Variants in AIMP2 observed in about 807,000 individuals in gnomAD.
The protein encoded by AIMP2 is aminoacyl tRNA synthase complex-interacting multifunctional protein 2.
Under a neutral mutation model 23.4 loss-of-function variants are expected in AIMP2, and 20 were observed. The ratio of observed to expected loss-of-function variants is 0.85; its 90% CI spans 0.60 to 1.24. The LOEUF (loss-of-function observed/expected upper bound fraction) is 1.24. Among genes scored for constraint, AIMP2 ranks in the 50% most tolerant of loss-of-function variants. The pLI, the probability that AIMP2 is intolerant of heterozygous loss-of-function variation, is 0.00. For synonymous variants in AIMP2, 210 were observed against 170.4 expected (o/e 1.23, Z -1.81); for missense variants, 515 against 414.5 (o/e 1.24, Z -2.10).
intron 3 of AIMP2, 68 bp from the exon 4 acceptor site, chr7:6,023,235 C>G (rs759982220): frequency 6.0e-6 from 9 of 1,502,648 alleles, no homozygotes; most frequent in Non-Finnish European, 8.0e-6. Context: ...CTGTCCCCTT[C>G]CCCACTGTGC....
rs375897273 is a variant in AIMP2 at position 6,023,637 on chromosome 7, G to A, written c.909G>A (p.Met303Ile). Reference protein sequence around the residue: ...VTVPANVQRWMRSCENLAPFN... With the variant: ...VTVPANVQRWIRSCENLAPFN... ...TGCCAGCCAATGTGCAGAGGTGGATGAGGTCTTGTGAAAACCTGGCTCCTT... is the reference window on the plus strand; with the variant it reads ...TGCCAGCCAATGTGCAGAGGTGGATAAGGTCTTGTGAAAACCTGGCTCCTT... Residue 303 changes from methionine (M) to isoleucine (I), a missense_variant, in exon 4 of 4, where the codon ATG becomes ATA. Physicochemically the swap from Met to Ile is conservative, Grantham distance 10. Coordinates refer to ENST00000223029, the MANE Select transcript of AIMP2 (RefSeq NM_006303.4). 21 of 1,614,060 alleles carry A rather than the reference G, an allele frequency of 1.3e-5. No homozygotes were observed. The highest frequency in any genetic ancestry group is 1.6e-5 in the Non-Finnish European group (19 of 1,180,034).
In AIMP2 at chr7:6,009,285, C is replaced by A. The variant is rs959791854; in HGVS notation, c.-79C>A. 1 of 1,606,180 alleles carries A rather than the reference C, an allele frequency of 6.2e-7. No individual in the cohort carries two copies. Among genetic ancestry groups the A allele is most frequent in the African/African-American group, 1.3e-5 (1 of 74,922 alleles). On this transcript the variant is annotated 5_prime_UTR_variant, in exon 1 of 4. Transcript: ENST00000223029. ...CGCAGCAGGGTCAGAAGGGAGGTGG[C>A]CGGTCTCCGTCGTGACCTCTGACGG...
intron 3 of AIMP2, chr7:6,023,039 G>GA: frequency 2.3e-5 from 9 of 395,812 alleles, no homozygotes; most frequent in South Asian, 1.3e-4. Context: ...GGAGCAGGTG[G>GA]TCTGAGGTCC....
Position 6,016,660 on chromosome 7 carries a change from T to G in AIMP2, c.343-1154T>G, listed in dbSNP as rs1189278915. ...ATCTCAGAGCATGTGGTGCTCAAGA[T>G]GAATTTTGATACCTCAGAAGACCCA... is the stretch of plus-strand genomic sequence containing the variant. On this transcript the variant is annotated intron_variant, in intron 2 of 3. Transcript: ENST00000223029. Among the ~76,000 whole-genome samples, 3 of 152,086 alleles carry G rather than the reference T, an allele frequency of 2.0e-5. No individual in the cohort carries two copies. The East Asian group carries it at 5.8e-4, about 29-fold the overall frequency.
At chr7:6,015,480 T>G in intron 2 of AIMP2, 128 bp downstream of exon 2, 1 of 999,964 alleles carries the variant, frequency 1.0e-6, no homozygotes, top group Non-Finnish European at 1.5e-6. Context: ...ATTCCAGCAC[T>G]TTGGGAAGCC....
intron 1 of AIMP2, chr7:6,012,582 G>A (rs2128876676): frequency 1.0e-5 from 2 of 199,504 alleles, no homozygotes; most frequent in South Asian, 1.2e-4. Flanking sequence ...TTTTGAGACA[G>A]AGTCTCACTC....
chr7:6,009,510 G>C lies in AIMP2; in HGVS notation c.135+12G>C. On this transcript the variant is annotated intron_variant, in intron 1 of 3. Coordinates refer to ENST00000223029, the MANE Select transcript of AIMP2 (RefSeq NM_006303.4). ...CTGGCCACGTGCAGGTAGGAGCGCG[G>C]GGCCCCCCGCCCAGTGCGCACGCGC... The C allele has an allele frequency of 6.7e-7, 1 of 1,502,696 alleles. No individual in the cohort carries two copies. Among genetic ancestry groups the C allele is most frequent in the Non-Finnish European group, 8.8e-7 (1 of 1,134,044 alleles). 93.1% of individuals were successfully genotyped at this position (1,502,696 alleles called of 1,614,324 possible). A position where few individuals can be genotyped will look rare whatever the true frequency, so the allele number is the denominator to read the frequency against.
chr7:6,018,766 G>A (rs141613771), intron 3 of AIMP2, among the ~76,000 whole-genome samples: 3,805 of 151,888 alleles, frequency 0.025, 141 homozygotes, highest in African/African-American at 0.085. Context: ...CCCAGGAGGT[G>A]GAGGTTGCAG....
At chr7:6,015,459 T>C in intron 2 of AIMP2, 107 bp downstream of exon 2, 1 of 1,179,230 alleles carries the variant, frequency 8.5e-7, no homozygotes, top group Non-Finnish European at 1.2e-6. Flanking sequence ...GCGTGGTGGC[T>C]CACGCCTGTA....
At chr7:6,014,144 A>C (rs1258848429) in intron 1 of AIMP2, among the ~76,000 whole-genome samples, 1 of 152,144 alleles carries the variant, frequency 6.6e-6, no homozygotes, top group Non-Finnish European at 1.5e-5. Flanking sequence ...AAGAACTACA[A>C]ATTGTGTTCA....
At position 6,015,046 on chromosome 7, in the gene AIMP2, A is replaced by G. The variant is rs535133495; in HGVS notation, c.136-100A>G. On this transcript the variant is annotated intron_variant, in intron 1 of 3. Coordinates refer to ENST00000223029, the MANE Select transcript of AIMP2 (RefSeq NM_006303.4). ...ATAATGTCTTCTTTTAAAGGGTGGGAGGTTTGGTGAGTGCATGGCAAAGTA... is the reference window on the plus strand; with the variant it reads ...ATAATGTCTTCTTTTAAAGGGTGGGGGGTTTGGTGAGTGCATGGCAAAGTA... 4,512 of 1,568,492 alleles carry G rather than the reference A, an allele frequency of 2.9e-3. 18 individuals carry two copies. Among genetic ancestry groups the G allele is most frequent in the Non-Finnish European group, 3.4e-3 (3,932 of 1,154,062 alleles).
chr7:6,023,192 T>C (rs1787559159), intron 3 of AIMP2, 111 bp from the exon 4 acceptor site: 4 of 1,290,584 alleles, frequency 3.1e-6, no homozygotes, highest in Non-Finnish European at 4.2e-6. Context: ...GAAAACACCC[T>C]TTCCCATGTC....
chr7:6,015,881 G>C (rs1002566524), intron 2 of AIMP2, among the ~76,000 whole-genome samples: 3 of 152,226 alleles, frequency 2.0e-5, no homozygotes, highest in African/African-American at 7.2e-5. Context: ...TGACTTCTCA[G>C]AGCACGTAGA....
At chr7:6,012,648 C>G (rs770061766) in intron 1 of AIMP2, 1 of 349,314 alleles carries the variant, frequency 2.9e-6, no homozygotes, top group South Asian at 2.0e-5. Context: ...GCCACTGTCT[C>G]CCGGGTTCAA....
At position 6,023,747 on chromosome 7, in the gene AIMP2, C is replaced by G. The variant is rs779534750; in HGVS notation, c.*56C>G. The stretch of plus-strand genomic sequence containing the variant: ...TTTTAAGAATGGTGCTCTTTCATGC[C>G]TATTATCAGTAAGGGGACTTGTATT... On this transcript the variant is annotated 3_prime_UTR_variant, in exon 4 of 4. Transcript: ENST00000223029. The G allele has an allele frequency of 8.7e-6, 14 of 1,612,658 alleles. No individual in the cohort carries two copies. The highest frequency in any genetic ancestry group is 1.2e-5 in the Non-Finnish European group (14 of 1,179,316).
chr7:6,023,246 G>A (rs768380449), intron 3 of AIMP2, 57 bp from the exon 4 acceptor site: 67 of 1,522,226 alleles, frequency 4.4e-5, no homozygotes, highest in Non-Finnish European at 5.6e-5. Flanking sequence ...CCCACTGTGC[G>A]AGTACTTCCC....
chr7:6,012,600 C>G (rs1410763251), intron 1 of AIMP2: 1 of 228,606 alleles, frequency 4.4e-6, no homozygotes, highest in Non-Finnish European at 9.6e-6. Context: ...CTCTGTCACC[C>G]AGTCTGGAGT....
Position 6,009,321 on chromosome 7 carries a change from T to C in AIMP2, c.-43T>C, listed in dbSNP as rs1202787707. ...CGTGACCTCTGACGGTTTCTGAGCG[T>C]TGGCCTTTGGCACGCGCTACCCCCT... On this transcript the variant is annotated 5_prime_UTR_variant, in exon 1 of 4. Transcript: ENST00000223029. 1 of 1,611,482 alleles carries C rather than the reference T, an allele frequency of 6.2e-7. No homozygotes were observed. The highest frequency in any genetic ancestry group is 8.5e-7 in the Non-Finnish European group (1 of 1,179,958).
rs773910625 is a variant in AIMP2 at position 6,009,502 on chromosome 7, G to A, written c.135+4G>A. 6.6e-7 allele frequency: 1 copy of A among 1,520,050 alleles called. No individual in the cohort carries two copies. 94.2% of individuals were successfully genotyped at this position (1,520,050 alleles called of 1,614,324 possible). ...GCCGGGCGCTGGCCACGTGCAGGTA[G>A]GAGCGCGGGGCCCCCCGCCCAGTGC... On this transcript the variant is annotated splice_donor_region_variant and intron_variant, in intron 1 of 3. Coordinates refer to ENST00000223029, the MANE Select transcript of AIMP2 (RefSeq NM_006303.4).
Sources: gnomAD v4.1 joint callset for allele counts (sites outside exome capture counted in the v4.1 genomes callset) on GRCh38, gnomAD v4.1.1 for gene constraint, MANE v1.5 for transcripts, NCBI Gene and HGNC (gene_info 2026-07-23, HGNC 2026-07-21) for gene names.